LAMA2: variants seen among roughly 807,000 people sequenced by gnomAD.
LAMA2 encodes the protein laminin subunit alpha 2.
In LAMA2, 269 loss-of-function variants were observed where a neutral mutation model predicts 364.8. The ratio of observed to expected loss-of-function variants is 0.74; its 90% CI spans 0.67 to 0.82. The LOEUF (loss-of-function observed/expected upper bound fraction) is 0.82. LAMA2 is among the 40% of genes least tolerant of loss of function. LAMA2 has a pLI of 0.00. For missense variants in LAMA2, 3,807 were observed against 3,873.2 expected (o/e 0.98, Z 0.45); for synonymous variants, 1,379 against 1,370.6 (o/e 1.01, Z -0.14).
rs892327785 is a variant in LAMA2 at position 129,184,871 on chromosome 6, G to C, written c.1468-5334G>C. 1.6e-4 allele frequency among the ~76,000 whole-genome samples: 24 copies of C among 151,898 alleles called. 1 individual carries two copies. Among genetic ancestry groups the C allele is most frequent in the African/African-American group, 5.6e-4 (23 of 41,414 alleles). ...ATTAAAAGCTGAACTTGTGAAAATT[G>C]AGAACTAATGTTTATGTATTTCCTT... On this transcript the variant is annotated intron_variant, in intron 10 of 64. Coordinates refer to ENST00000421865, the MANE Select transcript of LAMA2 (RefSeq NM_000426.4).
chr6:129,314,168 AG>A (rs1246711101), intron 23 of LAMA2, among the ~76,000 whole-genome samples: 1 of 152,160 alleles, frequency 6.6e-6, no homozygotes, highest in Non-Finnish European at 1.5e-5. Flanking sequence ...TGGGAGGCCG[AG>A]GCGGGCGGAT....
chr6:128,910,487 T>C (rs1424288941), intron 1 of LAMA2, among the ~76,000 whole-genome samples: 1 of 152,110 alleles, frequency 6.6e-6, no homozygotes, highest in East Asian at 1.9e-4. Flanking sequence ...TTCAGCTCCA[T>C]CAGCTCCTTT....
chr6:129,159,432 C>T (rs1325031022), intron 8 of LAMA2, among the ~76,000 whole-genome samples: 5 of 152,194 alleles, frequency 3.3e-5, no homozygotes, highest in South Asian at 2.1e-4. Flanking sequence ...CGTGCCGAGG[C>T]GCAGGCAGGG....
At chr6:129,441,470 G>C (rs537463175) in intron 43 of LAMA2, among the ~76,000 whole-genome samples, 1 of 152,062 alleles carries the variant, frequency 6.6e-6, no homozygotes, top group South Asian at 2.1e-4. Context: ...TTATTATTTA[G>C]ATTCCAGTTA....
intron 1 of LAMA2, among the ~76,000 whole-genome samples, chr6:128,941,026 G>A (rs1780120068): frequency 6.6e-6 from 1 of 152,140 alleles, no homozygotes; most frequent in Non-Finnish European, 1.5e-5. Context: ...GAGATGTATA[G>A]CATTTGTAGG....
At chr6:129,491,779 C>A (rs1473366911) in intron 56 of LAMA2, 122 bp from the exon 57 acceptor site, 3 of 771,080 alleles carry the variant, frequency 3.9e-6, no homozygotes, top group Admixed American at 4.1e-5. Context: ...TCCTAAGCAT[C>A]CAATTTTGGC....
chr6:129,317,616 A>C (rs1774693443), intron 27 of LAMA2, among the ~76,000 whole-genome samples: 1 of 152,140 alleles, frequency 6.6e-6, no homozygotes, highest in African/African-American at 2.4e-5. Context: ...AAATATACTT[A>C]AAAAACGCTG....
chr6:129,312,994 G>T lies in LAMA2; in HGVS notation c.3308G>T (p.Cys1103Phe). ...CGAGGTCACTGGAACTACCCTCGCT[G>T]CAATCTCTGTGACTGCTTCCTCCCT... Reference protein sequence around the residue: ...CSRGHWNYPRCNLCDCFLPGT... With the variant: ...CSRGHWNYPRFNLCDCFLPGT... Residue 1103 changes from cysteine to phenylalanine, a missense_variant, in exon 23 of 65, where the codon TGC (cysteine) becomes TTC (phenylalanine). By Grantham distance (205) the Cys-to-Phe change is radical. Coordinates refer to ENST00000421865, the MANE Select transcript of LAMA2 (RefSeq NM_000426.4). 6.2e-7 allele frequency: 1 copy of T among 1,614,180 alleles called. No homozygotes were observed. Among genetic ancestry groups the T allele is most frequent in the Non-Finnish European group, 8.5e-7 (1 of 1,179,992 alleles).
At chr6:129,284,321 G>T (rs1479821280) in intron 18 of LAMA2, among the ~76,000 whole-genome samples, 2 of 151,942 alleles carry the variant, frequency 1.3e-5, no homozygotes, top group Non-Finnish European at 2.9e-5. Flanking sequence ...GCTCCCAAAA[G>T]TCAGCACTAT....
intron 1 of LAMA2, among the ~76,000 whole-genome samples, chr6:128,884,238 T>C (rs1429086510): frequency 2.0e-5 from 3 of 152,130 alleles, no homozygotes; most frequent in Non-Finnish European, 4.4e-5. Context: ...AGGAAGCACA[T>C]GTGCAGCATT....
chr6:129,255,405 CAAAAAAAAAAAAAAAAA>C (rs5879934), intron 14 of LAMA2, among the ~76,000 whole-genome samples: 2 of 33,814 alleles, frequency 5.9e-5, no homozygotes, highest in Non-Finnish European at 1.1e-4. Flanking sequence ...GACTCTGTCT[CAAAAAAAAAAAAAAAAA>C]AAAAAAAAAA....
intron 4 of LAMA2, among the ~76,000 whole-genome samples, chr6:129,119,453 T>C (rs1776673346): frequency 6.6e-6 from 1 of 152,064 alleles, no homozygotes; most frequent in Non-Finnish European, 1.5e-5. Context: ...TTTATACTCT[T>C]CCATTAATAC....
chr6:129,033,398 T>A (rs866457391), intron 1 of LAMA2, among the ~76,000 whole-genome samples: 22 of 152,312 alleles, frequency 1.4e-4, no homozygotes, highest in Admixed American at 1.1e-3. Flanking sequence ...GGGAACAGCA[T>A]CTTTCCTGAT....
Position 129,465,179 on chromosome 6 carries a change from A to G in LAMA2, c.7190A>G (p.His2397Arg), listed in dbSNP as rs751993443. ...DFMSVELTDG[H>R]IKVSYDLGSG... ...ATGAGTGTGGAGCTCACTGATGGGC[A>G]CATAAAAGTCAGTTACGATCTGGGC... The change falls in exon 51 of 65, where the codon CAC becomes CGC. Residue 2397 changes from histidine to arginine, a missense_variant. Coordinates refer to ENST00000421865, the MANE Select transcript of LAMA2 (RefSeq NM_000426.4). 1.9e-6 allele frequency: 3 copies of G among 1,611,192 alleles called. No individual in the cohort carries two copies. The East Asian group carries it at 6.7e-5, about 36-fold the overall frequency.
chr6:129,331,040 T>G (rs938092399), intron 29 of LAMA2, among the ~76,000 whole-genome samples: 18 of 152,102 alleles, frequency 1.2e-4, no homozygotes, highest in Non-Finnish European at 2.4e-4. Flanking sequence ...GGCTTCTTTT[T>G]TTGTATTTTT....
intron 22 of LAMA2, among the ~76,000 whole-genome samples, chr6:129,303,423 AT>A (rs1279981495): frequency 6.6e-6 from 1 of 152,114 alleles, no homozygotes; most frequent in Non-Finnish European, 1.5e-5. Flanking sequence ...CTTCTGTGGC[AT>A]TTTCTTGTCC....
chr6:129,391,557 A>G lies in LAMA2; in HGVS notation c.5138A>G (p.Asn1713Ser). Residue 1713 changes from asparagine to serine, a missense_variant, in exon 36 of 65, where the codon AAT (asparagine) becomes AGT (serine). By Grantham distance (46) the Asn-to-Ser change is conservative (BLOSUM62 1). Around this residue, in one of 3 missense-constraint regions of LAMA2, gnomAD observed 3,333 missense variants for 3,345.7 expected, o/e 1.00. Transcript: ENST00000421865. ...LGTRDEAFER[N>S]LEGLQKEIDQ... ...ACTCGAGACGAGGCCTTTGAGAGAA[A>G]TTTGGAAGGGCTTCAGAAAGAGATT... 6.2e-7 allele frequency: 1 copy of G among 1,613,938 alleles called. No individual in the cohort carries two copies. Among genetic ancestry groups the G allele is most frequent in the Non-Finnish European group, 8.5e-7 (1 of 1,179,858 alleles).
chr6:129,355,767 G>C (rs187619605), intron 32 of LAMA2, among the ~76,000 whole-genome samples: 20 of 152,118 alleles, frequency 1.3e-4, no homozygotes, highest in Non-Finnish European at 2.6e-4. Context: ...TATTGTACAA[G>C]AGTTAATTTT....
At chr6:129,259,515 T>A (rs11961288) in intron 14 of LAMA2, among the ~76,000 whole-genome samples, 38,527 of 152,000 alleles carry the variant, frequency 0.25, 7,085 homozygotes, top group African/African-American at 0.52. Flanking sequence ...CATTTAATTA[T>A]GTGCTCTTAG....
Sources: gnomAD v4.1 joint callset for allele counts (sites outside exome capture counted in the v4.1 genomes callset) on GRCh38, gnomAD v4.1.1 for gene constraint, gnomAD v4.1.1 regional missense constraint, MANE v1.5 for transcripts, NCBI Gene and HGNC (gene_info 2026-07-23, HGNC 2026-07-21) for gene names.